The following LRP1B variants were observed in gnomAD, a reference collection of about 807,000 sequenced individuals.
LRP1B encodes the protein low-density lipoprotein receptor-related protein 1B.
In LRP1B, 217 loss-of-function variants were observed where a neutral mutation model predicts 556.6. The observed-to-expected ratio is 0.39, with a 90% CI of 0.35 to 0.44. The LOEUF (loss-of-function observed/expected upper bound fraction) is 0.44, where lower values mean the gene tolerates loss of function less well. LRP1B is among the 20% of genes least tolerant of loss of function. LRP1B has a pLI of 1.00. For synonymous variants in LRP1B, 2,047 were observed against 1,865.8 expected (o/e 1.10, Z -2.50); for missense variants, 5,053 against 5,620.8 (o/e 0.90, Z 3.23).
At chr2:141,751,634 C>T (rs1489796619) in intron 2 of LRP1B, among the ~76,000 whole-genome samples, 1 of 151,948 alleles carries the variant, frequency 6.6e-6, no homozygotes. Flanking sequence ...TTGTCCCCAC[C>T]TCACTCCAAA....
At chr2:140,638,774 T>C (rs1407293551) in intron 41 of LRP1B, among the ~76,000 whole-genome samples, 1 of 151,712 alleles carries the variant, frequency 6.6e-6, no homozygotes, top group Non-Finnish European at 1.5e-5. Flanking sequence ...CACACACACA[T>C]ATATATGAAA....
intron 3 of LRP1B, among the ~76,000 whole-genome samples, chr2:141,465,545 T>TTTTTG (rs1682155920): frequency 8.5e-6 from 1 of 117,062 alleles, no homozygotes; most frequent in Non-Finnish European, 1.9e-5. Context: ...CAGCATGACT[T>TTTTTG]TTTTTTTTTT....
intron 1 of LRP1B, among the ~76,000 whole-genome samples, chr2:141,905,764 G>GGT (rs1558952200): frequency 1.4e-5 from 2 of 145,516 alleles, no homozygotes; most frequent in African/African-American, 5.2e-5. Context: ...GGTTTGAATA[G>GGT]ATGTGTGTGT....
chr2:140,633,928 A>G (rs975386928), intron 41 of LRP1B, among the ~76,000 whole-genome samples: 5 of 152,222 alleles, frequency 3.3e-5, no homozygotes, highest in South Asian at 2.1e-4. Context: ...TGAAGAAAAT[A>G]CTGCTTCCTA....
At chr2:140,710,658 G>A (rs1402946653) in intron 37 of LRP1B, among the ~76,000 whole-genome samples, 2 of 152,036 alleles carry the variant, frequency 1.3e-5, no homozygotes, top group South Asian at 2.1e-4. Context: ...ATATAGAGTA[G>A]CCTCAGAGAG....
chr2:140,295,802 T>TGGTA (rs1683578281), intron 84 of LRP1B, among the ~76,000 whole-genome samples: 1 of 11,674 alleles, frequency 8.6e-5, no homozygotes, highest in Non-Finnish European at 2.3e-3. Context: ...AATGTGACTG[T>TGGTA]GATAGCAATT....
At chr2:141,134,340 T>C (rs1394166880) in intron 7 of LRP1B, among the ~76,000 whole-genome samples, 1 of 151,934 alleles carries the variant, frequency 6.6e-6, no homozygotes, top group African/African-American at 2.4e-5. Context: ...TTTTCCCATC[T>C]AAAAGTCTTT....
chr2:141,905,824 T>C (rs1181722926), intron 1 of LRP1B, among the ~76,000 whole-genome samples: 2 of 146,176 alleles, frequency 1.4e-5, no homozygotes, highest in Non-Finnish European at 3.0e-5. Flanking sequence ...TGTATAAACA[T>C]CTCTAAGAGG....
chr2:141,019,334 G>A (rs749751435), intron 12 of LRP1B, among the ~76,000 whole-genome samples: 4 of 152,026 alleles, frequency 2.6e-5, no homozygotes, highest in Non-Finnish European at 4.4e-5. Flanking sequence ...AAGTTTAGTG[G>A]CTAAGAGTAA....
intron 2 of LRP1B, among the ~76,000 whole-genome samples, chr2:141,493,766 G>A (rs1025445417): frequency 1.3e-5 from 2 of 152,106 alleles, no homozygotes; most frequent in Admixed American, 6.6e-5. Context: ...CGTTATGGCT[G>A]TATCATGAAC....
intron 2 of LRP1B, among the ~76,000 whole-genome samples, chr2:141,595,600 T>A (rs1308924885): frequency 6.6e-6 from 1 of 152,142 alleles, no homozygotes; most frequent in Non-Finnish European, 1.5e-5. Context: ...TTTTATGTAA[T>A]GTTTTGACAA....
At chr2:141,358,960 G>T (rs983497983) in intron 3 of LRP1B, among the ~76,000 whole-genome samples, 23 of 151,928 alleles carry the variant, frequency 1.5e-4, no homozygotes, top group African/African-American at 5.1e-4. Flanking sequence ...ATATCAAATT[G>T]TATACAAGAT....
At chr2:140,476,798 T>C (rs1248558968) in intron 59 of LRP1B, among the ~76,000 whole-genome samples, 2 of 152,052 alleles carry the variant, frequency 1.3e-5, no homozygotes, top group Non-Finnish European at 2.9e-5. Flanking sequence ...CAAAGAGCTC[T>C]GAAAGTCAAA....
At chr2:140,633,190 A>C (rs896534606) in intron 41 of LRP1B, among the ~76,000 whole-genome samples, 1 of 152,172 alleles carries the variant, frequency 6.6e-6, no homozygotes, top group Non-Finnish European at 1.5e-5. Context: ...AAATCCTCAA[A>C]TATTTGGAGA....
chr2:141,536,718 C>T (rs190202079), intron 2 of LRP1B, among the ~76,000 whole-genome samples: 25 of 151,978 alleles, frequency 1.6e-4, no homozygotes, highest in Non-Finnish European at 3.4e-4. Context: ...ACTTCTTTGA[C>T]CAACACTATA....
intron 2 of LRP1B, among the ~76,000 whole-genome samples, chr2:141,779,308 G>C (rs189125652): frequency 4.3e-4 from 65 of 151,918 alleles, no homozygotes; most frequent in African/African-American, 1.5e-3. Context: ...TGGTGTTGTT[G>C]CTTCAGATTA....
intron 2 of LRP1B, among the ~76,000 whole-genome samples, chr2:141,484,223 C>T (rs1255377691): frequency 2.7e-5 from 4 of 145,978 alleles, no homozygotes; most frequent in Non-Finnish European, 6.1e-5. Flanking sequence ...ATAGGGAATC[C>T]TTTCCCCATT....
chr2:141,084,058 T>C (rs1453967273), intron 7 of LRP1B, among the ~76,000 whole-genome samples: 1 of 152,196 alleles, frequency 6.6e-6, no homozygotes. Flanking sequence ...ACAATACTTT[T>C]ATACGGTTGG....
At chr2:140,307,094 A>G (rs1417051369) in intron 83 of LRP1B, among the ~76,000 whole-genome samples, 1 of 152,000 alleles carries the variant, frequency 6.6e-6, no homozygotes, top group Non-Finnish European at 1.5e-5. Context: ...CTGAATATAA[A>G]ATATTTCACC....
Sources: allele counts gnomAD v4.1 joint callset (sites outside exome capture counted in the v4.1 genomes callset), GRCh38; gene constraint gnomAD v4.1.1; transcripts MANE v1.5; gene names NCBI Gene and HGNC (gene_info 2026-07-23, HGNC 2026-07-21).